RGS3: variants seen among roughly 807,000 people sequenced by gnomAD.
RGS3 encodes the protein regulator of G protein signaling 3.
Under a neutral mutation model 132.6 loss-of-function variants are expected in RGS3, and 80 were observed. That is an observed-to-expected ratio of 0.60 (90% CI 0.50 to 0.73). RGS3 has a LOEUF of 0.73. Among genes scored for constraint, RGS3 ranks in the 30% least tolerant of loss-of-function variants. RGS3 has a pLI of 0.00. For synonymous variants in RGS3, 598 were observed against 620.6 expected (o/e 0.96, Z 0.54); for missense variants, 1,382 against 1,530.8 (o/e 0.90, Z 1.62).
intron 19 of RGS3, among the ~76,000 whole-genome samples, chr9:113,558,157 A>G (rs1372624797): frequency 6.6e-6 from 1 of 152,180 alleles, no homozygotes; most frequent in African/African-American, 2.4e-5. Flanking sequence ...GGGGTCTGCA[A>G]AATTCTGTGA....
At position 113,537,317 on chromosome 9, in the gene RGS3, G is replaced by C. The variant is rs1472680088; in HGVS notation, c.2037+399G>C. Among the ~76,000 whole-genome samples, 1 of 152,238 alleles carries C rather than the reference G, an allele frequency of 6.6e-6. No individual in the cohort carries two copies. Among genetic ancestry groups the C allele is most frequent in the Non-Finnish European group, 1.5e-5 (1 of 68,036 alleles). The stretch of plus-strand genomic sequence containing the variant: ...ACATTGGCCCCAGGCGGATGCGATA[G>C]AGGGGATGTTTGCGGCAGAAGCTGT... On this transcript the variant is annotated intron_variant, in intron 19 of 24. Transcript: ENST00000350696. This position sits in a 1 kb window ranked among gnomAD's most constrained non-coding sequence, Gnocchi z 4.3.
chr9:113,538,954 G>C (rs1013351849), intron 19 of RGS3, among the ~76,000 whole-genome samples: 1 of 152,180 alleles, frequency 6.6e-6, no homozygotes, highest in Non-Finnish European at 1.5e-5. Context: ...AGGTCTCACT[G>C]CTCAAAATTC....
intron 23 of RGS3, 66 bp from the exon 22 acceptor site, chr9:113,595,533 C>T (rs1436523802): frequency 2.6e-6 from 4 of 1,563,044 alleles, no homozygotes; most frequent in Non-Finnish European, 3.5e-6. Context: ...TAGGGGTAAG[C>T]TGAGGCATCT....
chr9:113,597,553 T>C (rs1436435901), exon 25 of RGS3: 1 of 152,610 alleles, frequency 6.6e-6, no homozygotes, highest in Non-Finnish European at 1.5e-5. Flanking sequence ...CGGGCACCGG[T>C]GGCAGGCAGC....
intron 3 of RGS3, among the ~76,000 whole-genome samples, chr9:113,478,522 G>A (rs980243682): frequency 1.2e-4 from 18 of 152,194 alleles, no homozygotes; most frequent in South Asian, 8.3e-4. Flanking sequence ...TTAAAAACTC[G>A]TCTTTGTGGG....
At position 113,537,359 on chromosome 9, in the gene RGS3, C is replaced by G. The variant is rs976650460; in HGVS notation, c.2037+441C>G. 6.6e-6 allele frequency among the ~76,000 whole-genome samples: 1 copy of G among 152,178 alleles called. No individual in the cohort carries two copies. Among genetic ancestry groups the G allele is most frequent in the Non-Finnish European group, 1.5e-5 (1 of 68,042 alleles). On this transcript the variant is annotated intron_variant, in intron 19 of 24. Transcript: ENST00000350696. The surrounding 1 kb of genome is among the most constrained non-coding windows in gnomAD (Gnocchi z 4.3). Reference sequence around the variant, plus strand: ...AGAAGCTGTTGTATGCTGTATAGTTCCATGTGGGCCAGAGCCAAGTAGAGC... The same window carrying G: ...AGAAGCTGTTGTATGCTGTATAGTTGCATGTGGGCCAGAGCCAAGTAGAGC...
At chr9:113,495,621 C>T (rs1178348848) in intron 7 of RGS3, among the ~76,000 whole-genome samples, 165 bp from the exon 6 acceptor site, 1 of 152,216 alleles carries the variant, frequency 6.6e-6, no homozygotes, top group Admixed American at 6.5e-5. Context: ...GATAATAGCT[C>T]CTCTCTATCC....
intron 24 of RGS3, 89 bp downstream of exon 22, chr9:113,595,854 G>A (rs1240911341): frequency 1.4e-6 from 2 of 1,435,470 alleles, no homozygotes; most frequent in Admixed American, 1.8e-5. Flanking sequence ...AGCACAGGAA[G>A]GGGAGAGGCC....
At chr9:113,562,429 A>C (rs144230401) in intron 19 of RGS3, among the ~76,000 whole-genome samples, 1 of 149,996 alleles carries the variant, frequency 6.7e-6, no homozygotes, top group Non-Finnish European at 1.5e-5. Flanking sequence ...GTGAGCCAAG[A>C]TCGTGCCACT....
At chr9:113,498,178 T>A in intron 10 of RGS3, 98 bp downstream of exon 8, 1 of 1,015,770 alleles carries the variant, frequency 9.8e-7, no homozygotes, top group Non-Finnish European at 1.5e-6. Context: ...CATTTGGTGC[T>A]TGAAACTCAG....
At chr9:113,482,508 C>T (rs1474886302) in intron 4 of RGS3, among the ~76,000 whole-genome samples, 1 of 152,218 alleles carries the variant, frequency 6.6e-6, no homozygotes, top group Non-Finnish European at 1.5e-5. Context: ...TGCTGTCCGC[C>T]AGCCACAGCA....
intron 22 of RGS3, 152 bp downstream of exon 20, chr9:113,594,683 A>AAGCAGCTACCCTCACAGGG: frequency 2.7e-6 from 2 of 735,818 alleles, no homozygotes; most frequent in Non-Finnish European, 4.5e-6. Flanking sequence ...GGTACCTGGC[A>AAGCAGCTACCCTCACAGGG]AGCAGCTACC....
At chr9:113,502,666 G>T (rs547669490) in intron 10 of RGS3, among the ~76,000 whole-genome samples, 1 of 152,326 alleles carries the variant, frequency 6.6e-6, no homozygotes, top group East Asian at 1.9e-4. Flanking sequence ...TCACCCTGGG[G>T]CTATGGGCTA....
At position 113,537,151 on chromosome 9, in the gene RGS3, C is replaced by T. The variant is rs576178414; in HGVS notation, c.2037+233C>T. Among the ~76,000 whole-genome samples the T allele has an allele frequency of 6.6e-6, 1 of 151,766 alleles. No individual in the cohort carries two copies. Among genetic ancestry groups the T allele is most frequent in the Non-Finnish European group, 1.5e-5 (1 of 67,928 alleles). ...TGTAGAGCGACAGAGCCAAATTAAG[C>T]GTGGCCCATCAGTTCTGCACTCTGT... On this transcript the variant is annotated intron_variant, in intron 19 of 24. Coordinates refer to ENST00000350696, the Ensembl canonical transcript of RGS3. The surrounding 1 kb of genome is among the most constrained non-coding windows in gnomAD (Gnocchi z 4.3).
chr9:113,531,173 A>G (rs950960495), intron 18 of RGS3, among the ~76,000 whole-genome samples: 1 of 152,208 alleles, frequency 6.6e-6, no homozygotes, highest in African/African-American at 2.4e-5. Context: ...TTGCCTGGAC[A>G]GGTGTGTTTC....
intron 19 of RGS3, among the ~76,000 whole-genome samples, chr9:113,556,543 G>T (rs1336665141): frequency 1.3e-5 from 2 of 152,146 alleles, no homozygotes; most frequent in Non-Finnish European, 2.9e-5. Context: ...ATTATACAAG[G>T]TCGCATAATT....
chr9:113,571,675 C>T (rs1041381910), intron 19 of RGS3, among the ~76,000 whole-genome samples: 3 of 152,126 alleles, frequency 2.0e-5, no homozygotes, highest in Non-Finnish European at 4.4e-5. Flanking sequence ...TGCCTTTTCA[C>T]TCTCTTAAGG....
At chr9:113,583,838 G>A (rs41305473) in exon 20 of RGS3, 157,342 of 1,613,838 alleles carry the variant, frequency 0.097, 8,770 homozygotes, top group African/African-American at 0.19. Context: ...TCCCCCACCC[G>A]GGACCTTCCA....
At chr9:113,497,953 C>G (rs1830739699) in intron 9 of RGS3, 72 bp from the exon 8 acceptor site, 2 of 1,517,934 alleles carry the variant, frequency 1.3e-6, no homozygotes, top group East Asian at 2.3e-5. Context: ...CAGTGCTGTC[C>G]TCTGGGTGGT....
Sources: gnomAD v4.1 joint callset for allele counts (sites outside exome capture counted in the v4.1 genomes callset) on GRCh38, gnomAD v4.1.1 for gene constraint, Gnocchi (gnomAD v3.1) non-coding constraint, MANE v1.5 for transcripts, NCBI Gene and HGNC (gene_info 2026-07-23, HGNC 2026-07-21) for gene names.